THEMIS: variants seen among roughly 807,000 people sequenced by gnomAD.
THEMIS encodes the protein protein THEMIS.
In THEMIS, 37 loss-of-function variants were observed where a neutral mutation model predicts 52.6. The observed-to-expected ratio is 0.70, with a 90% confidence interval of 0.54 to 0.93. The LOEUF is 0.93. THEMIS is among the 40% of genes least tolerant of loss of function. The pLI is 0.00. For missense variants in THEMIS, 808 were observed against 763.1 expected, an observed-to-expected ratio of 1.06 and a Z score of -0.69; for synonymous variants, 292 against 272.7, an observed-to-expected ratio of 1.07 and a Z score of -0.70.
chr6:127,703,035 GTTTTTTT>G, the THEMIS span, among the ~76,000 whole-genome samples: 116 of 82,386 alleles, frequency 1.4e-3, 5 homozygotes, highest in Non-Finnish European at 1.8e-3. Flanking sequence ...TTTAGAATGA[GTTTTTTT>G]TTTTTTTTTT....
chr6:127,873,390 CAT>C (rs1209168759), intron 1 of THEMIS, among the ~76,000 whole-genome samples: 1 of 152,100 alleles, frequency 6.6e-6, no homozygotes, highest in Non-Finnish European at 1.5e-5. Context: ...CAAGTCAAGA[CAT>C]ATTATTTAAC....
Position 127,721,095 on chromosome 6 carries a change from T to C in THEMIS, c.1759-1272A>G, listed in dbSNP as rs1466446591. Among the ~76,000 whole-genome samples, 5 of 152,096 alleles carry C rather than the reference T, an allele frequency of 3.3e-5. No individual in the cohort carries two copies. The South Asian group carries it at 8.3e-4, about 25-fold the overall frequency. Reference sequence around the variant, plus strand: ...TCATTCCTTAACTTCCACTATGCCATGAGGCTATGCCTAGACTAGCTGGCT... The same window carrying C: ...TCATTCCTTAACTTCCACTATGCCACGAGGCTATGCCTAGACTAGCTGGCT... On this transcript the variant is annotated intron_variant, in intron 4 of 5. Coordinates refer to ENST00000368248, the MANE Select transcript of THEMIS (RefSeq NM_001010923.3).
chr6:127,822,917 T>C (rs1305853308), intron 3 of THEMIS, among the ~76,000 whole-genome samples: 3 of 152,148 alleles, frequency 2.0e-5, no homozygotes, highest in Non-Finnish European at 4.4e-5. Context: ...GTGCAGCCTG[T>C]CCTACAGATT....
At chr6:127,832,534 T>C (rs974166669) in intron 2 of THEMIS, among the ~76,000 whole-genome samples, 2 of 152,140 alleles carry the variant, frequency 1.3e-5, no homozygotes, top group African/African-American at 2.4e-5. Context: ...GAAAGTTAAA[T>C]ATAAACTAAA....
intron 3 of THEMIS, among the ~76,000 whole-genome samples, chr6:127,828,555 C>G (rs190591896): frequency 6.6e-6 from 1 of 152,302 alleles, no homozygotes; most frequent in Admixed American, 6.5e-5. Context: ...ATCCTACTCA[C>G]GTGTCATAAT....
intron 2 of THEMIS, among the ~76,000 whole-genome samples, chr6:127,837,478 A>C (rs574255008): frequency 6.6e-6 from 1 of 152,148 alleles, no homozygotes; most frequent in Admixed American, 6.5e-5. Context: ...TTGTAAGATA[A>C]ATGCTATTAA....
At chr6:127,787,854 GATAGATAGATAGATAGATAGATAGAT>G (rs879865917) in intron 4 of THEMIS, among the ~76,000 whole-genome samples, 1,302 of 121,858 alleles carry the variant, frequency 0.011, 7 homozygotes, top group Middle Eastern at 0.017. Context: ...GACAGATATA[GATAGATAGATAGATAGATAGATAGAT>G]ATAGATAGAT....
chr6:127,839,004 G>A (rs1778959617), intron 2 of THEMIS, among the ~76,000 whole-genome samples: 2 of 151,958 alleles, frequency 1.3e-5, no homozygotes, highest in Non-Finnish European at 2.9e-5. Flanking sequence ...ATTAATGTTG[G>A]CAGGACAAGT....
intron 4 of THEMIS, among the ~76,000 whole-genome samples, chr6:127,750,754 A>G (rs187009559): frequency 6.6e-6 from 1 of 151,996 alleles, no homozygotes; most frequent in African/African-American, 2.4e-5. Context: ...CTTGTGACAT[A>G]TAAAAGAACA....
At chr6:127,741,672 C>T (rs1775206775) in intron 4 of THEMIS, among the ~76,000 whole-genome samples, 1 of 152,186 alleles carries the variant, frequency 6.6e-6, no homozygotes. Flanking sequence ...TCAGTAAATC[C>T]TTTGCTGCAT....
chr6:127,850,098 A>C (rs1454545194), intron 2 of THEMIS, among the ~76,000 whole-genome samples: 1 of 152,096 alleles, frequency 6.6e-6, no homozygotes, highest in African/African-American at 2.4e-5. Context: ...GCTATTTCTC[A>C]AAAGACTATA....
At chr6:127,904,413 G>C (rs1367170230), upstream of THEMIS, among the ~76,000 whole-genome samples, 1 of 152,016 alleles carries the variant, frequency 6.6e-6, no homozygotes, top group East Asian at 1.9e-4. Context: ...GCTCCTGAAG[G>C]CTGCTTCCTA....
rs187563903 is a variant in THEMIS, at chr6:127,747,217, T to A, written c.1759-27394A>T. ...AGATATCTATCATATCTGCATATTA[T>A]ATTATATGCACATTATATGCATATT... is the stretch of plus-strand genomic sequence containing the variant. On this transcript the variant is annotated intron_variant, in intron 4 of 5. Transcript: ENST00000368248. Among the ~76,000 whole-genome samples, 1,175 of 137,814 alleles carry A rather than the reference T, an allele frequency of 8.5e-3. 31 individuals are homozygous for A. Among genetic ancestry groups the A allele is most frequent in the African/African-American group, 0.03 (1,136 of 38,032 alleles). 90.4% of individuals were successfully genotyped at this position (137,814 alleles called of 152,430 possible).
At chr6:127,746,921 A>G (rs1380112963) in intron 4 of THEMIS, among the ~76,000 whole-genome samples, 1 of 67,880 alleles carries the variant, frequency 1.5e-5, no homozygotes, top group African/African-American at 6.2e-5. Flanking sequence ...ATAATTATAT[A>G]TAGATATCTA....
rs910523430 is a variant in THEMIS at position 127,774,907 on chromosome 6, G to T, written c.1758+37976C>A. ...CTTGATCAGAAGACCATCAAATAAAGAAACCAGCTATATGCCCACACATTT... is the reference window on the plus strand; with the variant it reads ...CTTGATCAGAAGACCATCAAATAAATAAACCAGCTATATGCCCACACATTT... On this transcript the variant is annotated intron_variant, in intron 4 of 5. Transcript: ENST00000368248. Among the ~76,000 whole-genome samples, 7 of 152,130 alleles carry T rather than the reference G, an allele frequency of 4.6e-5. No homozygotes were observed. In the South Asian group the frequency reaches 8.3e-4, roughly 18 times the overall value.
chr6:127,735,989 G>A (rs1774991623), intron 4 of THEMIS, among the ~76,000 whole-genome samples: 1 of 152,120 alleles, frequency 6.6e-6, no homozygotes. Context: ...ATATGAATCT[G>A]GAAGGATTTG....
chr6:127,880,571 T>TAAAAAAAAAAAAAAAAA lies in THEMIS; in HGVS notation c.91+20254_91+20270dup, dbSNP rs33909885. Among the ~76,000 whole-genome samples the TAAAAAAAAAAAAAAAAA allele has an allele frequency of 1.5e-5, 2 of 133,006 alleles. 1 individual carries two copies. The highest frequency in any genetic ancestry group is 3.2e-5 in the Non-Finnish European group (2 of 62,480). The allele number at this position is 133,006 out of a possible 152,430, so 87.3% of individuals were successfully genotyped here. A position where few individuals can be genotyped will look rare whatever the true frequency, so the allele number is the denominator to read the frequency against. On this transcript the variant is annotated intron_variant, in intron 1 of 5. Transcript: ENST00000368248. ...CTTTTCCTGATGCCAAAAGACAAAT[T>TAAAAAAAAAAAAAAAAA]AAAAAAAAAAAAAAAAAGCACTTTG...
At chr6:127,767,279 G>T (rs781148976) in intron 4 of THEMIS, among the ~76,000 whole-genome samples, 1 of 151,598 alleles carries the variant, frequency 6.6e-6, no homozygotes, top group Non-Finnish European at 1.5e-5. Flanking sequence ...TTTAGTAAAG[G>T]CACTGTTTCA....
chr6:127,878,640 A>C (rs1344480683), intron 1 of THEMIS, among the ~76,000 whole-genome samples: 1 of 152,216 alleles, frequency 6.6e-6, no homozygotes, highest in Non-Finnish European at 1.5e-5. Flanking sequence ...AGTTGGGACC[A>C]AAAGTCATTT....
Sources: allele counts gnomAD v4.1 joint callset (sites outside exome capture counted in the v4.1 genomes callset), GRCh38; gene constraint gnomAD v4.1.1; transcripts MANE v1.5; gene names NCBI Gene and HGNC (gene_info 2026-07-23, HGNC 2026-07-21).